The following ADGRB3 variants were observed in gnomAD, a reference collection of about 807,000 sequenced individuals.
ADGRB3 encodes the protein adhesion G protein-coupled receptor B3.
ADGRB3 carries 37 observed loss-of-function variants against 193.4 expected under a neutral mutation model. The observed-to-expected ratio is 0.19, with a 90% CI of 0.15 to 0.25. ADGRB3 has a LOEUF of 0.25. Ranked by LOEUF, ADGRB3 falls within the 10% of genes least tolerant of loss-of-function variation. The pLI is 1.00. For missense variants in ADGRB3, 1,637 were observed against 1,852.9 expected (o/e 0.88, Z 2.14); for synonymous variants, 690 against 644.2 (o/e 1.07, Z -1.08).
chr6:68,931,165 G>GT (rs1767326739), intron 4 of ADGRB3, among the ~76,000 whole-genome samples: 1 of 151,810 alleles, frequency 6.6e-6, no homozygotes, highest in African/African-American at 2.4e-5. Flanking sequence ...AAAGAGTTTT[G>GT]TTATATAAGC....
chr6:69,056,325 GT>G (rs1344080473), intron 15 of ADGRB3, among the ~76,000 whole-genome samples: 2 of 152,042 alleles, frequency 1.3e-5, no homozygotes, highest in African/African-American at 4.8e-5. Flanking sequence ...TTTGGTTTGG[GT>G]TTTTGTTGTC....
intron 11 of ADGRB3, among the ~76,000 whole-genome samples, chr6:68,998,327 A>G (rs3798997): frequency 0.11 from 16,121 of 152,238 alleles, 1,728 homozygotes; most frequent in East Asian, 0.58. Context: ...AGCAACATCT[A>G]TAACCCCTAC....
intron 17 of ADGRB3, among the ~76,000 whole-genome samples, chr6:69,128,139 C>T (rs770088503): frequency 7.9e-5 from 12 of 152,032 alleles, no homozygotes; most frequent in South Asian, 2.1e-4. Flanking sequence ...CGAAAGGTGC[C>T]GGCTGACTGT....
chr6:68,727,597 G>A (rs1027851216), intron 3 of ADGRB3, among the ~76,000 whole-genome samples: 3 of 151,378 alleles, frequency 2.0e-5, no homozygotes, highest in Non-Finnish European at 4.4e-5. Context: ...TTCCTGAAAA[G>A]TCACTCTTTA....
chr6:68,826,288 C>A (rs1006536408), intron 3 of ADGRB3, among the ~76,000 whole-genome samples: 1 of 151,898 alleles, frequency 6.6e-6, no homozygotes, highest in Non-Finnish European at 1.5e-5. Flanking sequence ...AGAAAGTACA[C>A]CTTGAAATGG....
At chr6:68,963,671 C>T (rs1768295728) in intron 8 of ADGRB3, among the ~76,000 whole-genome samples, 3 of 152,106 alleles carry the variant, frequency 2.0e-5, no homozygotes, top group African/African-American at 4.8e-5. Flanking sequence ...ACTTGGGCTC[C>T]CCTAATGTCC....
chr6:69,053,550 G>A (rs1203684474), intron 15 of ADGRB3, among the ~76,000 whole-genome samples: 1 of 152,166 alleles, frequency 6.6e-6, no homozygotes, highest in Non-Finnish European at 1.5e-5. Context: ...TGGCCTGGTG[G>A]CCCCAGCCCA....
chr6:69,382,599 CT>C (rs993170574), intron 30 of ADGRB3, among the ~76,000 whole-genome samples: 3 of 151,510 alleles, frequency 2.0e-5, no homozygotes, highest in South Asian at 2.1e-4. Context: ...ACAACAAAAC[CT>C]TTTTTTTGTA....
At chr6:68,877,772 T>A (rs774639779) in intron 3 of ADGRB3, among the ~76,000 whole-genome samples, 4 of 151,200 alleles carry the variant, frequency 2.6e-5, no homozygotes, top group Non-Finnish European at 5.9e-5. Context: ...TATCAAGGAC[T>A]TTTTTTAATA....
At chr6:68,729,594 C>T (rs9294806) in intron 3 of ADGRB3, among the ~76,000 whole-genome samples, 116,840 of 151,238 alleles carry the variant, frequency 0.77, 45,327 homozygotes, top group Middle Eastern at 0.91. Flanking sequence ...CAATTAAGGG[C>T]GCTAAGCCAC....
intron 26 of ADGRB3, among the ~76,000 whole-genome samples, chr6:69,351,250 G>A (rs914792841): frequency 5.3e-5 from 8 of 151,714 alleles, no homozygotes; most frequent in Admixed American, 3.3e-4. Flanking sequence ...CTGCCACCAC[G>A]CCCTGCTAAT....
chr6:68,749,408 ATGTGTGTGTG>A (rs60078030), intron 3 of ADGRB3, among the ~76,000 whole-genome samples: 4,498 of 136,548 alleles, frequency 0.033, 129 homozygotes, highest in African/African-American at 0.075. Context: ...ATATATATAT[ATGTGTGTGTG>A]TGTGTGTGTG....
At chr6:69,192,331 G>A (rs566306426) in intron 17 of ADGRB3, among the ~76,000 whole-genome samples, 2 of 152,246 alleles carry the variant, frequency 1.3e-5, no homozygotes, top group Non-Finnish European at 2.9e-5. Flanking sequence ...GATGCAGGCT[G>A]GGAGACTAAA....
intron 3 of ADGRB3, among the ~76,000 whole-genome samples, chr6:68,796,702 C>T (rs950323740): frequency 3.3e-5 from 5 of 152,124 alleles, no homozygotes; most frequent in African/African-American, 1.2e-4. Context: ...ACTTCTGGTG[C>T]AATCAGTCCG....
chr6:69,339,737 A>C (rs1768936571), intron 26 of ADGRB3, among the ~76,000 whole-genome samples: 1 of 152,286 alleles, frequency 6.6e-6, no homozygotes, highest in African/African-American at 2.4e-5. Flanking sequence ...ACACAACCAG[A>C]GGTGTCAAAA....
intron 17 of ADGRB3, among the ~76,000 whole-genome samples, chr6:69,176,905 G>C (rs1190905839): frequency 3.3e-5 from 5 of 152,110 alleles, no homozygotes; most frequent in African/African-American, 1.2e-4. Context: ...AGATTTTCTA[G>C]TTTGTCTGCA....
chr6:69,020,368 G>A (rs1029487755), intron 13 of ADGRB3, among the ~76,000 whole-genome samples: 2 of 151,922 alleles, frequency 1.3e-5, no homozygotes, highest in Admixed American at 6.6e-5. Flanking sequence ...ATTCTCTATA[G>A]CTGTATTATT....
At chr6:68,801,572 C>A (rs998521284) in intron 3 of ADGRB3, among the ~76,000 whole-genome samples, 2 of 151,974 alleles carry the variant, frequency 1.3e-5, no homozygotes, top group African/African-American at 4.8e-5. Context: ...GCCTGTAATC[C>A]CAGCTTCTTG....
At chr6:69,365,312 C>CCTTGTATGT (rs1769545302) in intron 29 of ADGRB3, among the ~76,000 whole-genome samples, 1 of 152,044 alleles carries the variant, frequency 6.6e-6, no homozygotes, top group Non-Finnish European at 1.5e-5. Flanking sequence ...TTTGGAAGCA[C>CCTTGTATGT]CTTGTATGTC....
Sources: allele counts gnomAD v4.1 joint callset (sites outside exome capture counted in the v4.1 genomes callset), GRCh38; gene constraint gnomAD v4.1.1; transcripts MANE v1.5; gene names NCBI Gene and HGNC (gene_info 2026-07-23, HGNC 2026-07-21).